Variants in WIPI1 observed in about 807,000 individuals in gnomAD.
WIPI1 encodes the protein WD repeat domain phosphoinositide-interacting protein 1.
A neutral mutation model predicts 55.3 loss-of-function variants in WIPI1; 45 were observed. The ratio of observed to expected loss-of-function variants is 0.81; its 90% confidence interval spans 0.64 to 1.04. The LOEUF (loss-of-function observed/expected upper bound fraction) is 1.04, where lower values mean the gene tolerates loss of function less well. Among genes scored for constraint, WIPI1 ranks in the 50% least tolerant of loss-of-function variants. The pLI, the probability that WIPI1 is intolerant of heterozygous loss-of-function variation, is 0.00. For missense variants in WIPI1, 445 were observed against 559.0 expected, an observed-to-expected ratio of 0.80 and a Z score of 2.06; for synonymous variants, 195 against 217.6, an observed-to-expected ratio of 0.90 and a Z score of 0.92.
chr17:68,440,307 G>A lies in WIPI1; in HGVS notation c.431-3828C>T, dbSNP rs564190503. On this transcript the variant is annotated intron_variant, in intron 4 of 12. Coordinates refer to ENST00000262139, the MANE Select transcript of WIPI1 (RefSeq NM_017983.7). ...CAACGAGCCACACGAATGTATCTTCGTATCTTGGGAACCACCCAAGGCAAG... is the reference window on the plus strand; with the variant it reads ...CAACGAGCCACACGAATGTATCTTCATATCTTGGGAACCACCCAAGGCAAG... Among the ~76,000 whole-genome samples, 6 of 152,318 alleles carry A rather than the reference G, an allele frequency of 3.9e-5. No homozygotes were observed. The South Asian group carries it at 1.0e-3, about 26-fold the overall frequency.
intron 8 of WIPI1, among the ~76,000 whole-genome samples, chr17:68,430,474 G>A (rs1347271175): frequency 1.3e-5 from 2 of 152,198 alleles, no homozygotes; most frequent in Non-Finnish European, 2.9e-5. Flanking sequence ...AAGAGAGTTA[G>A]GGTAGAGAGT....
chr17:68,454,537 T>C (rs1338483747), intron 1 of WIPI1, among the ~76,000 whole-genome samples: 2 of 152,212 alleles, frequency 1.3e-5, no homozygotes, highest in African/African-American at 4.8e-5. Context: ...GCTAAGTAGC[T>C]AAACTGGTGG....
At chr17:68,437,973 A>AAAAAAAAAT (rs2083899370) in intron 4 of WIPI1, among the ~76,000 whole-genome samples, 1 of 139,850 alleles carries the variant, frequency 7.2e-6, no homozygotes, top group African/African-American at 2.6e-5. Flanking sequence ...AAAAAAAAAA[A>AAAAAAAAAT]GTGACTGGCG....
rs1484494319 is a variant in WIPI1 at position 68,435,423 on chromosome 17, C to T, written c.621+197G>A. On this transcript the variant is annotated intron_variant, in intron 6 of 12. Coordinates refer to ENST00000262139, the MANE Select transcript of WIPI1 (RefSeq NM_017983.7). ...GTCTTGTATCTTGCATATTGCAGGC[C>T]CCTGGCCTATTGAATTAACAAATGC... 2.6e-5 allele frequency among the ~76,000 whole-genome samples: 4 copies of T among 152,166 alleles called. 1 individual carries two copies. Among genetic ancestry groups the T allele is most frequent in the Admixed American group, 2.6e-4 (4 of 15,264 alleles).
At chr17:68,426,238 C>CGGGGGGGGGGGGGGG in intron 11 of WIPI1, 63 bp from the exon 12 acceptor site, 2 of 615,190 alleles carry the variant, frequency 3.3e-6, no homozygotes, top group Non-Finnish European at 4.7e-6. Context: ...CATGACCTGG[C>CGGGGGGGGGGGGGGG]GGGTGGGGAG....
In WIPI1 at chr17:68,427,233, G is replaced by T. The variant is rs1178364159; in HGVS notation, c.1094C>A (p.Thr365Lys). Residue 365 changes from threonine (T) to lysine (K), a missense_variant, in exon 11 of 13, where the codon ACA becomes AAA. By Grantham distance (78) the Thr-to-Lys change is moderately conservative. Transcript: ENST00000262139. ...GAGGTCATTTTCTTTATTCTCTTCT[G>T]TTGTTCCTGAGCCAAGCAAGCTACT... Reference protein sequence around the residue: ...KTHSLLGSGTTEENKENDLRP... With the variant: ...KTHSLLGSGTKEENKENDLRP... The T allele has an allele frequency of 1.2e-6, 2 of 1,613,948 alleles. No homozygotes were observed. The highest frequency in any genetic ancestry group is 1.7e-6 in the Non-Finnish European group (2 of 1,179,972).
chr17:68,433,357 T>C (rs2083610271), intron 8 of WIPI1, 111 bp downstream of exon 8: 2 of 1,052,076 alleles, frequency 1.9e-6, no homozygotes, highest in South Asian at 2.8e-5. Flanking sequence ...AAGTCCCAAG[T>C]GAAGCCAAGA....
intron 10 of WIPI1, chr17:68,428,291 T>A (rs1230816235): frequency 6.5e-6 from 1 of 153,054 alleles, no homozygotes; most frequent in Non-Finnish European, 1.4e-5. Flanking sequence ...AGTGCAATGG[T>A]GTGATCATGG....
chr17:68,434,179 T>G (rs902762474), intron 7 of WIPI1, among the ~76,000 whole-genome samples: 1 of 152,216 alleles, frequency 6.6e-6, no homozygotes, highest in African/African-American at 2.4e-5. Flanking sequence ...CTCTGTGCAC[T>G]GATCTGGCTG....
At position 68,434,610 on chromosome 17, in the gene WIPI1, AC is replaced by A. The variant is rs1388747764; in HGVS notation, c.637del (p.Val213CysfsTer17). 1 of 1,613,976 alleles carries A rather than the reference AC, an allele frequency of 6.2e-7. No homozygotes were observed. The highest frequency in any genetic ancestry group is 2.2e-5 in the East Asian group (1 of 44,862). On this transcript the variant is annotated frameshift_variant, in exon 7 of 13. Coordinates refer to ENST00000262139, the MANE Select transcript of WIPI1 (RefSeq NM_017983.7). LOFTEE classifies it high-confidence loss of function. ...SASEKGTVIR[V>X]FSVPDGQKLY... ...CTTTTGCCCATCAGGGACAGAGAAC[AC>A]CCGGATGACTGTGCCCTGGAAAAGA...
In WIPI1 at chr17:68,450,954, C is replaced by T. The variant is rs1427753517; in HGVS notation, c.164-57G>A. On this transcript the variant is annotated intron_variant, in intron 2 of 12. Coordinates refer to ENST00000262139, the MANE Select transcript of WIPI1 (RefSeq NM_017983.7). ...GATTGATCACTTCCAAGAAGGATTC[C>T]AGCCTCCATGACACTGGGCCCGGCG... 3.2e-6 allele frequency: 5 copies of T among 1,566,600 alleles called. No individual in the cohort carries two copies. In the South Asian group the frequency reaches 6.1e-5, roughly 19 times the overall value.
chr17:68,446,700 T>C (rs2084299305), intron 3 of WIPI1, among the ~76,000 whole-genome samples: 1 of 152,214 alleles, frequency 6.6e-6, no homozygotes, highest in Non-Finnish European at 1.5e-5. Flanking sequence ...GATATCCTCT[T>C]GTGTCCCCTC....
chr17:68,457,305 C>A (rs769336214), intron 1 of WIPI1, 37 bp downstream of exon 1: 1 of 1,538,042 alleles, frequency 6.5e-7, no homozygotes, highest in Non-Finnish European at 8.8e-7. Context: ...GACACTCTGT[C>A]CCCCACCTCC....
intron 4 of WIPI1, among the ~76,000 whole-genome samples, chr17:68,439,592 C>A (rs1250391202): frequency 1.3e-5 from 2 of 152,162 alleles, no homozygotes; most frequent in East Asian, 3.8e-4. Flanking sequence ...GCTATTGAAC[C>A]ATGCATTTTA....
chr17:68,453,509 C>A (rs1207921850), intron 1 of WIPI1, among the ~76,000 whole-genome samples: 2 of 143,958 alleles, frequency 1.4e-5, no homozygotes, highest in African/African-American at 5.3e-5. Flanking sequence ...GAGGGAGTCT[C>A]GCTCTGTCAC....
At chr17:68,443,141 C>T (rs1210166551) in intron 4 of WIPI1, among the ~76,000 whole-genome samples, 1 of 152,078 alleles carries the variant, frequency 6.6e-6, no homozygotes, top group Non-Finnish European at 1.5e-5. Flanking sequence ...GACAGAGTCT[C>T]GATCTGTTGC....
chr17:68,452,801 A>C, intron 2 of WIPI1, 109 bp downstream of exon 2: 1 of 933,528 alleles, frequency 1.1e-6, no homozygotes, highest in Non-Finnish European at 1.6e-6. Flanking sequence ...CCTAAGTTTG[A>C]TGGCTAAGGA....
At chr17:68,457,279 G>C (rs1383528015) in intron 1 of WIPI1, 63 bp downstream of exon 1, 2 of 1,519,396 alleles carry the variant, frequency 1.3e-6, no homozygotes, top group East Asian at 2.7e-5. Context: ...CTCTCAGGAC[G>C]ACACCCCTGG....
chr17:68,426,253 G>GGGGGGGGGGGGGGGGGGT, intron 11 of WIPI1, 78 bp from the exon 12 acceptor site: 1 of 841,018 alleles, frequency 1.2e-6, no homozygotes. Context: ...GGGGAGCGGG[G>GGGGGGGGGGGGGGGGGGT]GCTCAAATAA....
Sources: allele counts gnomAD v4.1 joint callset (sites outside exome capture counted in the v4.1 genomes callset), GRCh38; gene constraint gnomAD v4.1.1; transcripts MANE v1.5; gene names NCBI Gene and HGNC (gene_info 2026-07-23, HGNC 2026-07-21).